Variants in NTS observed in about 807,000 individuals in gnomAD.
NTS encodes the protein neurotensin.
NTS carries 20 observed loss-of-function variants against 19.5 expected under a neutral mutation model. The ratio of observed to expected loss-of-function variants is 1.02; its 90% confidence interval spans 0.72 to 1.49. NTS has a LOEUF of 1.49. Among genes scored for constraint, NTS ranks in the 40% most tolerant of loss-of-function variants. The pLI is 0.00. For synonymous variants in NTS, 71 were observed against 63.3 expected, an observed-to-expected ratio of 1.12 and a Z score of -0.58; for missense variants, 215 against 193.1, an observed-to-expected ratio of 1.11 and a Z score of -0.67.
intron 2 of NTS, chr12:85,877,960 A>G (rs1458743163): frequency 6.5e-6 from 1 of 154,190 alleles, no homozygotes; most frequent in African/African-American, 2.4e-5. Flanking sequence ...TAATAATACC[A>G]TCTTTGTCAC....
Position 85,879,538 on chromosome 12 carries a change from A to T in NTS, c.360+969A>T, listed in dbSNP as rs1347183271. Among the ~76,000 whole-genome samples, 6 of 113,806 alleles carry T rather than the reference A, an allele frequency of 5.3e-5. 1 individual carries two copies. Among genetic ancestry groups the T allele is most frequent in the African/African-American group, 2.1e-4 (6 of 28,108 alleles). 74.7% of individuals were successfully genotyped at this position (113,806 alleles called of 152,430 possible). On this transcript the variant is annotated intron_variant, in intron 3 of 3. Coordinates refer to ENST00000256010, the MANE Select transcript of NTS (RefSeq NM_006183.5). ...TTTGTATATTTTATGTATATAAAAT[A>T]TATTTTTTGTATATTTTATGTATAT...
exon 4 of NTS, chr12:85,882,991 CAT>C (rs1236712476): frequency 1.3e-5 from 2 of 152,018 alleles, no homozygotes; most frequent in Non-Finnish European, 2.9e-5. Context: ...CCATCAAAAT[CAT>C]ATGTTTCTCT....
intron 1 of NTS, among the ~76,000 whole-genome samples, chr12:85,876,059 GCCTATGAAAA>G (rs1881334320): frequency 6.6e-6 from 1 of 151,664 alleles, no homozygotes; most frequent in Non-Finnish European, 1.5e-5. Context: ...TTCCTTAAAT[GCCTATGAAAA>G]AATTGAGGAT....
At chr12:85,879,787 A>G (rs1468717190) in intron 3 of NTS, among the ~76,000 whole-genome samples, 2 of 134,286 alleles carry the variant, frequency 1.5e-5, no homozygotes, top group East Asian at 4.0e-4. Flanking sequence ...TATTTTTTGT[A>G]TATTTTTGTA....
chr12:85,875,647 A>C (rs976400725), intron 1 of NTS, among the ~76,000 whole-genome samples: 5 of 151,982 alleles, frequency 3.3e-5, no homozygotes, highest in Non-Finnish European at 5.9e-5. Context: ...TGGAAGAAAA[A>C]CTGGGTTATT....
chr12:85,879,778 A>G (rs1314880480), intron 3 of NTS, among the ~76,000 whole-genome samples: 1 of 136,616 alleles, frequency 7.3e-6, no homozygotes, highest in Non-Finnish European at 1.6e-5. Context: ...TATAAAATAT[A>G]TTTTTTGTAT....
In NTS at chr12:85,882,453, T is replaced by C. The variant is rs1881523047; in HGVS notation, c.*78T>C. On this transcript the variant is annotated 3_prime_UTR_variant, in exon 4 of 4. Coordinates refer to ENST00000256010, the MANE Select transcript of NTS (RefSeq NM_006183.5). ...ATATCAAATTATATTTGTGTGAAAATGTGACAAACACACTTATCTGTCTCT... is the reference window on the plus strand; with the variant it reads ...ATATCAAATTATATTTGTGTGAAAACGTGACAAACACACTTATCTGTCTCT... 6 of 1,147,772 alleles carry C rather than the reference T, an allele frequency of 5.2e-6. No homozygotes were observed. In the African/African-American group the frequency reaches 7.9e-5, roughly 15 times the overall value. 71.1% of individuals were successfully genotyped at this position (1,147,772 alleles called of 1,614,324 possible). A position where few individuals can be genotyped will look rare whatever the true frequency, so the allele number is the denominator to read the frequency against.
chr12:85,880,186 C>T (rs543539491), intron 3 of NTS, among the ~76,000 whole-genome samples: 1 of 151,904 alleles, frequency 6.6e-6, no homozygotes, highest in African/African-American at 2.4e-5. Flanking sequence ...ACACACAAAA[C>T]TTAGTGTGTA....
chr12:85,880,517 TAAG>T (rs75040917), intron 3 of NTS, among the ~76,000 whole-genome samples: 11,341 of 152,200 alleles, frequency 0.075, 587 homozygotes, highest in Middle Eastern at 0.21. Flanking sequence ...ACCCTGTGGA[TAAG>T]AAGAAGTGCA....
chr12:85,878,286 T>A, intron 2 of NTS, 59 bp from the exon 3 acceptor site: 1 of 1,226,470 alleles, frequency 8.2e-7, no homozygotes, highest in South Asian at 1.5e-5. Context: ...CACTAGGAAT[T>A]CATTTCTTGC....
At chr12:85,877,631 C>T (rs1221625157) in intron 2 of NTS, among the ~76,000 whole-genome samples, 1 of 152,018 alleles carries the variant, frequency 6.6e-6, no homozygotes, top group Non-Finnish European at 1.5e-5. Flanking sequence ...CATGCATTAG[C>T]CCTTCCTCCT....
chr12:85,874,407 A>T lies in NTS; in HGVS notation c.4A>T (p.Met2Leu). ...TGGCTTGTTAGAAGGCTGAAAGATG[A>T]TGGCAGGAATGAAAATCCAGCTTGT... The part of the protein sequence containing the change: M[M>L]AGMKIQLVCM... Residue 2 changes from methionine to leucine, a missense_variant, in exon 1 of 4, where the codon ATG becomes TTG. Coordinates refer to ENST00000256010, the MANE Select transcript of NTS (RefSeq NM_006183.5). The T allele has an allele frequency of 6.2e-7, 1 of 1,612,904 alleles. No homozygotes were observed. Among genetic ancestry groups the T allele is most frequent in the Non-Finnish European group, 8.5e-7 (1 of 1,178,988 alleles).
At chr12:85,875,331 C>A (rs1008396574) in intron 1 of NTS, among the ~76,000 whole-genome samples, 3 of 151,984 alleles carry the variant, frequency 2.0e-5, no homozygotes, top group African/African-American at 7.2e-5. Flanking sequence ...ACAATGAACA[C>A]TTCAAAGGGA....
At chr12:85,877,864 G>T (rs552712795) in intron 2 of NTS, among the ~76,000 whole-genome samples, 1 of 152,032 alleles carries the variant, frequency 6.6e-6, no homozygotes, top group Non-Finnish European at 1.5e-5. Context: ...ATACATGAAG[G>T]TTCTATATAA....
chr12:85,882,320 A>C lies in NTS; in HGVS notation c.458A>C (p.Tyr153Ser). 1 of 1,608,218 alleles carries C rather than the reference A, an allele frequency of 6.2e-7. No individual in the cohort carries two copies. The highest frequency in any genetic ancestry group is 8.5e-7 in the Non-Finnish European group (1 of 1,177,554). The change falls in exon 4 of 4, where the codon TAT (tyrosine) becomes TCT (serine). Residue 153 changes from tyrosine (Y) to serine (S), a missense_variant. Tyr to Ser is a moderately radical substitution (Grantham distance 144, BLOSUM62 -2). Coordinates refer to ENST00000256010, the MANE Select transcript of NTS (RefSeq NM_006183.5). Reference sequence around the variant, plus strand: ...CCTTATATTCTGAAACGGCAGCTGTATGAGAATAAACCCAGAAGACCCTAC... The same window carrying C: ...CCTTATATTCTGAAACGGCAGCTGTCTGAGAATAAACCCAGAAGACCCTAC... ...KIPYILKRQL[Y>S]ENKPRRPYIL...
rs750669986 is a variant in NTS, at chr12:85,878,489, G to A, written c.280G>A (p.Asp94Asn). The A allele has an allele frequency of 6.2e-7, 1 of 1,613,938 alleles. No homozygotes were observed. Among genetic ancestry groups the A allele is most frequent in the South Asian group, 1.1e-5 (1 of 91,074 alleles). The change falls in exon 3 of 4, where the codon GAT (aspartate) becomes AAT (asparagine). Residue 94 changes from aspartate to asparagine, a missense_variant. By Grantham distance (23) the Asp-to-Asn change is conservative. Transcript: ENST00000256010. ...VARRKLPTALDGFSLEAMLTI... is the reference protein window; with the variant it reads ...VARRKLPTALNGFSLEAMLTI... ...AAGAAGGAAACTTCCTACTGCTTTA[G>A]ATGGCTTTAGCTTGGAAGCAATGTT...
At chr12:85,876,285 T>A (rs1175667491) in intron 1 of NTS, among the ~76,000 whole-genome samples, 1 of 151,958 alleles carries the variant, frequency 6.6e-6, no homozygotes, top group Non-Finnish European at 1.5e-5. Flanking sequence ...TTTCTATATA[T>A]GTAAACTGTG....
intron 1 of NTS, among the ~76,000 whole-genome samples, chr12:85,876,316 T>C (rs945551940): frequency 6.6e-6 from 1 of 151,956 alleles, no homozygotes; most frequent in African/African-American, 2.4e-5. Flanking sequence ...AATAAGCTAC[T>C]CTAGCATATT....
rs1040894518 is a variant in NTS, at chr12:85,882,610, TATA to T, written c.*238_*240del. On this transcript the variant is annotated 3_prime_UTR_variant, in exon 4 of 4. Transcript: ENST00000256010. ...GAGTAGATATTAATTAAGTCACCTG[TATA>T]ATGTTTTGTAATTTTGCAAAACATA... is the stretch of plus-strand genomic sequence containing the variant. 4.3e-5 allele frequency: 15 copies of T among 346,672 alleles called. No homozygotes were observed. Among genetic ancestry groups the T allele is most frequent in the Middle Eastern group, 1.6e-3 (2 of 1,290 alleles). 21.5% of individuals were successfully genotyped at this position (346,672 alleles called of 1,614,324 possible). A position where few individuals can be genotyped will look rare whatever the true frequency, so the allele number is the denominator to read the frequency against.
Sources: gnomAD v4.1 joint callset for allele counts (sites outside exome capture counted in the v4.1 genomes callset) on GRCh38, gnomAD v4.1.1 for gene constraint, MANE v1.5 for transcripts, NCBI Gene and HGNC (gene_info 2026-07-23, HGNC 2026-07-21) for gene names.